CNTNAP2: variants seen among roughly 807,000 people sequenced by gnomAD.
CNTNAP2 encodes the protein contactin associated protein 2, also known as contactin-associated protein-like 2.
In CNTNAP2, 98 loss-of-function variants were observed where a neutral mutation model predicts 155.2. The observed-to-expected ratio is 0.63, with a 90% confidence interval of 0.54 to 0.75. The LOEUF is 0.75. Among genes scored for constraint, CNTNAP2 ranks in the 30% least tolerant of loss-of-function variants. The pLI is 0.00. For missense variants in CNTNAP2, 1,727 were observed against 1,688.1 expected (o/e 1.02, Z -0.40); for synonymous variants, 651 against 631.2 (o/e 1.03, Z -0.47).
chr7:146,941,031 A>G (rs1194598885), intron 3 of CNTNAP2, among the ~76,000 whole-genome samples: 1 of 151,900 alleles, frequency 6.6e-6, no homozygotes, highest in East Asian at 1.9e-4. Context: ...CCATTTCTGT[A>G]CTATAGTTAG....
In CNTNAP2 at chr7:147,089,664, T is replaced by C. The variant is rs146135440; in HGVS notation, c.551-18483T>C. Among the ~76,000 whole-genome samples the C allele has an allele frequency of 2.6e-3, 393 of 152,304 alleles. 2 individuals are homozygous for C. The highest frequency in any genetic ancestry group is 5.6e-3 in the African/African-American group (234 of 41,578). ...ACTAAGTTTGGTAGTTTGAAAGTTA[T>C]AGAAACCAAAGTTTACATTGAATAC... On this transcript the variant is annotated intron_variant, in intron 4 of 23. Coordinates refer to ENST00000361727, the MANE Select transcript of CNTNAP2 (RefSeq NM_014141.6).
chr7:148,390,583 C>G (rs1402156161), intron 22 of CNTNAP2, among the ~76,000 whole-genome samples: 1 of 151,544 alleles, frequency 6.6e-6, no homozygotes, highest in Non-Finnish European at 1.5e-5. Context: ...CATACCTATA[C>G]CAGGATGTTT....
At chr7:146,858,879 G>C (rs74390145) in intron 3 of CNTNAP2, among the ~76,000 whole-genome samples, 1 of 152,056 alleles carries the variant, frequency 6.6e-6, no homozygotes, top group African/African-American at 2.4e-5. Context: ...TTGAAGTAAT[G>C]TTGTACATGT....
At chr7:146,263,080 A>G (rs1799943554) in intron 1 of CNTNAP2, among the ~76,000 whole-genome samples, 1 of 152,112 alleles carries the variant, frequency 6.6e-6, no homozygotes. Flanking sequence ...GCACTTTGGG[A>G]GGATGAGGCG....
intron 1 of CNTNAP2, among the ~76,000 whole-genome samples, chr7:146,722,810 T>C (rs1341619357): frequency 3.3e-5 from 5 of 151,566 alleles, no homozygotes; most frequent in Admixed American, 3.3e-4. Flanking sequence ...AGGTCAGGAG[T>C]TCGAGACCAG....
intron 15 of CNTNAP2, among the ~76,000 whole-genome samples, chr7:148,110,924 AC>A (rs1420352908): frequency 1.3e-5 from 2 of 152,244 alleles, no homozygotes; most frequent in Admixed American, 1.3e-4. Context: ...CTTCCCAAGC[AC>A]TGAGCAACAG....
chr7:147,303,915 T>A (rs1794984381), intron 9 of CNTNAP2, among the ~76,000 whole-genome samples: 1 of 152,334 alleles, frequency 6.6e-6, no homozygotes, highest in South Asian at 2.1e-4. Flanking sequence ...TCAAAGTATT[T>A]CTTCCCCACA....
At chr7:147,351,903 T>A (rs1469042178) in intron 9 of CNTNAP2, among the ~76,000 whole-genome samples, 2 of 151,974 alleles carry the variant, frequency 1.3e-5, no homozygotes, top group Non-Finnish European at 2.9e-5. Context: ...TATGAACATG[T>A]GATTTAAGGT....
chr7:148,135,992 G>GA (rs547721438), intron 16 of CNTNAP2, among the ~76,000 whole-genome samples: 1,489 of 30,292 alleles, frequency 0.049, 93 homozygotes, highest in African/African-American at 0.2. Context: ...AGGAAGGAAG[G>GA]AAGGAAGGAA....
chr7:147,470,075 G>A (rs1364545626), intron 10 of CNTNAP2, among the ~76,000 whole-genome samples: 1 of 151,904 alleles, frequency 6.6e-6, no homozygotes, highest in African/African-American at 2.4e-5. Context: ...TGTAATTTAG[G>A]GCTCCATAGA....
chr7:148,354,260 A>C (rs971429164), intron 21 of CNTNAP2, among the ~76,000 whole-genome samples: 3 of 149,212 alleles, frequency 2.0e-5, no homozygotes, highest in African/African-American at 7.4e-5. Context: ...CTAGCATTAA[A>C]TATTTTGTAG....
rs1799994615 is a variant in CNTNAP2, at chr7:148,416,508, G to GAATTAGAGCCAGATGTT, written c.*893_*894insATTAGAGCCAGATGTTA. On this transcript the variant is annotated 3_prime_UTR_variant, in exon 24 of 24. Coordinates refer to ENST00000361727, the MANE Select transcript of CNTNAP2 (RefSeq NM_014141.6). Reference sequence around the variant, plus strand: ...ATGGGGAATTAGAGCCAGATGTTATGATTTGTTTGCTCTTTTTCTTTTATA... The same window carrying GAATTAGAGCCAGATGTT: ...ATGGGGAATTAGAGCCAGATGTTATGAATTAGAGCCAGATGTTATTTGTTTGCTCTTTTTCTTTTATA... 1 of 100,240 alleles carries GAATTAGAGCCAGATGTT rather than the reference G, an allele frequency of 1.0e-5. No individual in the cohort carries two copies. The highest frequency in any genetic ancestry group is 4.2e-5 in the African/African-American group (1 of 24,076). The allele number at this position is 100,240 out of a possible 1,614,324, so 6.2% of individuals were successfully genotyped here.
At chr7:146,847,136 G>A (rs1021122320) in intron 3 of CNTNAP2, among the ~76,000 whole-genome samples, 4 of 152,052 alleles carry the variant, frequency 2.6e-5, no homozygotes, top group Admixed American at 6.6e-5. Flanking sequence ...GTTATATAAT[G>A]TGTTGATAAA....
At chr7:146,145,462 CT>C (rs1797945041) in intron 1 of CNTNAP2, among the ~76,000 whole-genome samples, 1 of 152,176 alleles carries the variant, frequency 6.6e-6, no homozygotes, top group South Asian at 2.1e-4. Flanking sequence ...AATTAGAAAT[CT>C]TTGCAGCAAG....
At chr7:147,930,168 A>T (rs561252950) in intron 14 of CNTNAP2, among the ~76,000 whole-genome samples, 1 of 152,198 alleles carries the variant, frequency 6.6e-6, no homozygotes, top group Non-Finnish European at 1.5e-5. Context: ...ATGGGACAAA[A>T]TAAATACAAG....
At chr7:146,247,942 C>G (rs151159342) in intron 1 of CNTNAP2, among the ~76,000 whole-genome samples, 2 of 149,858 alleles carry the variant, frequency 1.3e-5, no homozygotes, top group Admixed American at 6.6e-5. Flanking sequence ...CACAGAGATA[C>G]GAGGTCAGGG....
At chr7:147,471,178 A>C (rs62482790) in intron 10 of CNTNAP2, among the ~76,000 whole-genome samples, 38,981 of 152,104 alleles carry the variant, frequency 0.26, 6,178 homozygotes, top group African/African-American at 0.45. Flanking sequence ...TAACAGCCTG[A>C]AAAAGCCATA....
intron 12 of CNTNAP2, among the ~76,000 whole-genome samples, chr7:147,633,398 C>T (rs892739547): frequency 6.6e-6 from 1 of 152,206 alleles, no homozygotes; most frequent in Non-Finnish European, 1.5e-5. Context: ...TAGGGCAGTG[C>T]AGACGAGATA....
chr7:147,460,234 G>A (rs921175319), intron 10 of CNTNAP2, among the ~76,000 whole-genome samples: 3 of 152,012 alleles, frequency 2.0e-5, no homozygotes, highest in Non-Finnish European at 2.9e-5. Context: ...ACGCAGACTC[G>A]TATTGCTGGA....
Sources: allele counts gnomAD v4.1 joint callset (sites outside exome capture counted in the v4.1 genomes callset), GRCh38; gene constraint gnomAD v4.1.1; transcripts MANE v1.5; gene names NCBI Gene and HGNC (gene_info 2026-07-23, HGNC 2026-07-21).